GLIS3: variants seen among roughly 807,000 people sequenced by gnomAD.
GLIS3 encodes the protein GLIS family zinc finger 3.
A neutral mutation model predicts 78.6 loss-of-function variants in GLIS3; 53 were observed. The ratio of observed to expected loss-of-function variants is 0.67; its 90% CI spans 0.54 to 0.85. The LOEUF is 0.85. GLIS3 is among the 40% of genes least tolerant of loss of function. The pLI is 0.00. For missense variants in GLIS3, 1,703 were observed against 1,231.1 expected, an observed-to-expected ratio of 1.38 and a Z score of -5.74; for synonymous variants, 684 against 509.9, an observed-to-expected ratio of 1.34 and a Z score of -4.60.
chr9:4,156,679 T>G (rs963754208), intron 2 of GLIS3, among the ~76,000 whole-genome samples: 1 of 152,202 alleles, frequency 6.6e-6, no homozygotes, highest in African/African-American at 2.4e-5. Flanking sequence ...AATTTACATA[T>G]CCTTGTGAAG....
At chr9:4,404,051 A>C in the GLIS3 span, among the ~76,000 whole-genome samples, 3 of 152,204 alleles carry the variant, frequency 2.0e-5, no homozygotes, top group Admixed American at 6.5e-5. Flanking sequence ...CGACAATAGA[A>C]ACCAAAGAAG....
At chr9:3,840,373 C>T (rs1248149059) in intron 9 of GLIS3, among the ~76,000 whole-genome samples, 2 of 152,090 alleles carry the variant, frequency 1.3e-5, no homozygotes, top group African/African-American at 4.8e-5. Flanking sequence ...TCCAGCTCTT[C>T]ATCTGAGGTA....
chr9:4,191,249 A>T (rs556622110), intron 2 of GLIS3, among the ~76,000 whole-genome samples: 66 of 152,214 alleles, frequency 4.3e-4, no homozygotes, highest in African/African-American at 1.5e-3. Flanking sequence ...AAATTGTATG[A>T]AGAGTCAAGA....
At chr9:4,394,177 T>C in the GLIS3 span, among the ~76,000 whole-genome samples, 1 of 152,044 alleles carries the variant, frequency 6.6e-6, no homozygotes, top group African/African-American at 2.4e-5. Context: ...AGAATTCTTC[T>C]CAAGGAGTGT....
At chr9:4,314,315 C>A (rs1467074031) in intron 2 of GLIS3, among the ~76,000 whole-genome samples, 3 of 152,186 alleles carry the variant, frequency 2.0e-5, no homozygotes, top group Non-Finnish European at 4.4e-5. Flanking sequence ...CTCTTTCTCC[C>A]AGGCTGCATG....
the GLIS3 span, among the ~76,000 whole-genome samples, chr9:4,401,464 A>T: frequency 5.9e-5 from 9 of 151,300 alleles, no homozygotes; most frequent in African/African-American, 1.5e-4. Context: ...GGGTTTCTCC[A>T]TGTTGGTCAG....
At chr9:4,289,145 C>G (rs558630245) in intron 1 of GLIS3, among the ~76,000 whole-genome samples, 1 of 152,160 alleles carries the variant, frequency 6.6e-6, no homozygotes, top group African/African-American at 2.4e-5. Context: ...GTCAAGATAC[C>G]CAAGTTCTAC....
At chr9:3,850,366 C>T (rs1386453131) in intron 9 of GLIS3, among the ~76,000 whole-genome samples, 1 of 152,234 alleles carries the variant, frequency 6.6e-6, no homozygotes, top group African/African-American at 2.4e-5. Flanking sequence ...GCTGAAAGGG[C>T]TCCTGTCTGG....
chr9:4,478,617 A>T, the GLIS3 span, among the ~76,000 whole-genome samples: 1 of 151,996 alleles, frequency 6.6e-6, no homozygotes, highest in African/African-American at 2.4e-5. Context: ...AAAAAAAAAA[A>T]ACATCAGTAG....
intron 4 of GLIS3, among the ~76,000 whole-genome samples, chr9:3,983,350 C>T (rs1819462217): frequency 6.6e-6 from 1 of 152,122 alleles, no homozygotes; most frequent in South Asian, 2.1e-4. Context: ...ATTGCCCAGT[C>T]TCTGATATGT....
At chr9:4,177,146 A>G (rs2131154721) in intron 2 of GLIS3, among the ~76,000 whole-genome samples, 1 of 67,352 alleles carries the variant, frequency 1.5e-5, no homozygotes, top group Non-Finnish European at 3.2e-5. Context: ...AAAACAAAAC[A>G]AAACAAAACA....
chr9:4,053,212 G>A (rs534316709), intron 4 of GLIS3, among the ~76,000 whole-genome samples: 1 of 152,266 alleles, frequency 6.6e-6, no homozygotes, highest in East Asian at 1.9e-4. Flanking sequence ...GCCTCCCAAA[G>A]GGCTATGATT....
chr9:4,047,039 T>A (rs936773939), intron 4 of GLIS3, among the ~76,000 whole-genome samples: 3 of 152,174 alleles, frequency 2.0e-5, no homozygotes, highest in Admixed American at 2.0e-4. Context: ...TTTGGCTCTA[T>A]GTCCCCACCA....
Position 3,935,254 on chromosome 9 carries a change from TAA to T in GLIS3, c.1872+1772_1872+1773del, listed in dbSNP as rs375425017. On this transcript the variant is annotated intron_variant, in intron 5 of 10. Coordinates refer to ENST00000381971, the MANE Select transcript of GLIS3 (RefSeq NM_001042413.2). Reference sequence around the variant, plus strand: ...ATTTTAAAAGAGCTTACTAATTTGTTAAATGCAGTAAAAAATTTAAACAGGAG... The same window carrying T: ...ATTTTAAAAGAGCTTACTAATTTGTTATGCAGTAAAAAATTTAAACAGGAG... 1.1e-4 allele frequency among the ~76,000 whole-genome samples: 17 copies of T among 152,284 alleles called. No homozygotes were observed. The East Asian group carries it at 2.7e-3, about 24-fold the overall frequency.
rs560246737 is a variant in GLIS3 at position 3,993,605 on chromosome 9, A to C, written c.1711-56416T>G. Among the ~76,000 whole-genome samples the C allele has an allele frequency of 9.2e-5, 14 of 152,320 alleles. 1 individual carries two copies. In the South Asian group the frequency reaches 2.7e-3, roughly 29 times the overall value. On this transcript the variant is annotated intron_variant, in intron 4 of 10. Coordinates refer to ENST00000381971, the MANE Select transcript of GLIS3 (RefSeq NM_001042413.2). ...CAAGTAAGGAATTCCCTAGGTTCCT[A>C]ATGAATGTCCACATATGCCTACATA...
rs747611397 is a variant in GLIS3, at chr9:3,829,524, T to TA, written c.2474-33_2474-32insT. On this transcript the variant is annotated intron_variant, in intron 9 of 10. Transcript: ENST00000381971. ...CGCAAGCATGGCATTGAGCACAAGT[T>TA]CCTTTGGGCACAAGTTCCACAGATC... 8.1e-6 allele frequency: 13 copies of TA among 1,611,602 alleles called. No homozygotes were observed. The African/African-American group carries it at 1.5e-4, about 18-fold the overall frequency.
At chr9:4,239,544 C>A (rs917428296) in intron 2 of GLIS3, among the ~76,000 whole-genome samples, 1 of 152,120 alleles carries the variant, frequency 6.6e-6, no homozygotes, top group Non-Finnish European at 1.5e-5. Flanking sequence ...ACACATCAGT[C>A]ATTGAGATCT....
At chr9:4,074,447 A>G (rs1827885761) in intron 4 of GLIS3, among the ~76,000 whole-genome samples, 1 of 152,182 alleles carries the variant, frequency 6.6e-6, no homozygotes, top group South Asian at 2.1e-4. Context: ...ATCAAGCCCC[A>G]CAATCCTGAG....
chr9:4,313,580 T>C (rs1817396273), intron 2 of GLIS3, among the ~76,000 whole-genome samples: 1 of 152,218 alleles, frequency 6.6e-6, no homozygotes, highest in South Asian at 2.1e-4. Flanking sequence ...TGGATGTGAC[T>C]CCTTGATCTT....
Sources: allele counts gnomAD v4.1 joint callset (sites outside exome capture counted in the v4.1 genomes callset), GRCh38; gene constraint gnomAD v4.1.1; transcripts MANE v1.5; gene names NCBI Gene and HGNC (gene_info 2026-07-23, HGNC 2026-07-21).